ARHGAP15: variants seen among roughly 807,000 people sequenced by gnomAD.
ARHGAP15 encodes the protein Rho GTPase activating protein 15.
ARHGAP15 carries 51 observed loss-of-function variants against 63.7 expected under a neutral mutation model. The ratio of observed to expected loss-of-function variants is 0.80; its 90% CI spans 0.64 to 1.01. The LOEUF (loss-of-function observed/expected upper bound fraction) is 1.01, where lower values mean the gene tolerates loss of function less well. Ranked by LOEUF, ARHGAP15 falls within the 50% of genes least tolerant of loss-of-function variation. ARHGAP15 has a pLI of 0.00. For synonymous variants in ARHGAP15, 191 were observed against 193.8 expected (o/e 0.99, Z 0.12); for missense variants, 560 against 564.6 (o/e 0.99, Z 0.08).
intron 6 of ARHGAP15, among the ~76,000 whole-genome samples, chr2:143,352,153 T>C (rs1685601339): frequency 6.6e-6 from 1 of 152,200 alleles, no homozygotes. Context: ...CTGCCCCCCA[T>C]TGCTTTTGGC....
At chr2:143,218,186 ATTTG>A (rs1436053613) in intron 4 of ARHGAP15, among the ~76,000 whole-genome samples, 9 of 150,874 alleles carry the variant, frequency 6.0e-5, no homozygotes, top group African/African-American at 1.5e-4. Flanking sequence ...TAATATAAAC[ATTTG>A]TTTGTACTCT....
At chr2:143,765,147 G>GTGTGTGTGTGTGTGT (rs1559166655) in intron 13 of ARHGAP15, among the ~76,000 whole-genome samples, 1 of 146,794 alleles carries the variant, frequency 6.8e-6, no homozygotes, top group African/African-American at 2.5e-5. Flanking sequence ...GTGTGTGTGT[G>GTGTGTGTGTGTGTGT]GTAAAATTAA....
At chr2:143,599,362 A>G (rs1697667655) in intron 11 of ARHGAP15, among the ~76,000 whole-genome samples, 1 of 152,158 alleles carries the variant, frequency 6.6e-6, no homozygotes, top group African/African-American at 2.4e-5. Flanking sequence ...TTTTCCTACC[A>G]GCAAAGAATA....
intron 12 of ARHGAP15, among the ~76,000 whole-genome samples, chr2:143,662,175 C>A (rs1035283559): frequency 3.3e-4 from 50 of 152,218 alleles, no homozygotes; most frequent in African/African-American, 1.2e-3. Flanking sequence ...TGTCTGACAG[C>A]TTTGAAGAGA....
At chr2:143,562,237 T>C (rs1696059765) in intron 11 of ARHGAP15, among the ~76,000 whole-genome samples, 1 of 152,186 alleles carries the variant, frequency 6.6e-6, no homozygotes, top group Non-Finnish European at 1.5e-5. Flanking sequence ...CTTTTCATAT[T>C]ATTTGCAGCA....
chr2:143,537,154 T>C (rs909171112), intron 10 of ARHGAP15, among the ~76,000 whole-genome samples: 2 of 152,216 alleles, frequency 1.3e-5, no homozygotes, highest in Admixed American at 6.5e-5. Context: ...TTTCATGTGT[T>C]TTTTGGCTGC....
At chr2:143,264,739 A>C (rs899422872) in intron 6 of ARHGAP15, among the ~76,000 whole-genome samples, 3 of 152,216 alleles carry the variant, frequency 2.0e-5, no homozygotes, top group African/African-American at 7.2e-5. Flanking sequence ...TGATACAAGT[A>C]ATATGTCTAC....
At chr2:143,604,643 G>A (rs1474672611) in intron 11 of ARHGAP15, among the ~76,000 whole-genome samples, 1 of 152,076 alleles carries the variant, frequency 6.6e-6, no homozygotes, top group East Asian at 1.9e-4. Flanking sequence ...TAGTCCTGAG[G>A]ACCATGACTA....
At chr2:143,492,200 C>T (rs916786171) in intron 9 of ARHGAP15, among the ~76,000 whole-genome samples, 4 of 152,002 alleles carry the variant, frequency 2.6e-5, no homozygotes, top group African/African-American at 4.8e-5. Context: ...TTCTTCTCCT[C>T]GCCAGATACT....
intron 5 of ARHGAP15, among the ~76,000 whole-genome samples, chr2:143,229,702 C>T (rs1693365005): frequency 1.3e-5 from 2 of 152,272 alleles, no homozygotes; most frequent in African/African-American, 4.8e-5. Flanking sequence ...GGTAATAAAA[C>T]GATGGGAAGT....
chr2:143,410,528 T>C (rs552276340), intron 6 of ARHGAP15, among the ~76,000 whole-genome samples: 40 of 152,318 alleles, frequency 2.6e-4, no homozygotes, highest in Non-Finnish European at 4.4e-4. Context: ...AAATACTTAG[T>C]TGAGCGCCTA....
intron 6 of ARHGAP15, among the ~76,000 whole-genome samples, chr2:143,361,418 A>G (rs76752437): frequency 0.02 from 2,997 of 152,246 alleles, 58 homozygotes; most frequent in South Asian, 0.099. Context: ...AGGGAAGAGC[A>G]CTCTTATGGA....
chr2:143,216,335 C>T (rs370963387), intron 3 of ARHGAP15, 49 bp from the exon 4 acceptor site: 9 of 1,371,382 alleles, frequency 6.6e-6, no homozygotes, highest in African/African-American at 2.9e-5. Context: ...TTCAAATCAA[C>T]AATGCATAGT....
At chr2:143,173,336 T>A (rs1204668808) in intron 2 of ARHGAP15, among the ~76,000 whole-genome samples, 1 of 152,086 alleles carries the variant, frequency 6.6e-6, no homozygotes, top group African/African-American at 2.4e-5. Context: ...TGATAAAAAC[T>A]AAGCAATTTT....
At chr2:143,153,804 T>A (rs987456537) in intron 1 of ARHGAP15, among the ~76,000 whole-genome samples, 10 of 64,588 alleles carry the variant, frequency 1.5e-4, no homozygotes, top group African/African-American at 5.6e-4. Context: ...CTTCTTCTTC[T>A]TCTTCTTCTT....
At chr2:143,215,595 G>A (rs1692725727) in intron 3 of ARHGAP15, among the ~76,000 whole-genome samples, 1 of 152,150 alleles carries the variant, frequency 6.6e-6, no homozygotes, top group Non-Finnish European at 1.5e-5. Context: ...GAAGGCTAAC[G>A]ACTTGGGATG....
At chr2:143,443,373 G>A (rs1273743167) in intron 8 of ARHGAP15, among the ~76,000 whole-genome samples, 1 of 151,660 alleles carries the variant, frequency 6.6e-6, no homozygotes, top group Non-Finnish European at 1.5e-5. Flanking sequence ...GAATATCATG[G>A]GTTATTATAT....
chr2:143,151,872 C>A (rs1689836906), intron 1 of ARHGAP15, among the ~76,000 whole-genome samples: 1 of 151,856 alleles, frequency 6.6e-6, no homozygotes, highest in African/African-American at 2.4e-5. Context: ...CAGAGGAAAT[C>A]GTCTCTGAAC....
intron 8 of ARHGAP15, among the ~76,000 whole-genome samples, chr2:143,484,433 G>A (rs1692227650): frequency 1.3e-5 from 2 of 152,062 alleles, no homozygotes; most frequent in Non-Finnish European, 2.9e-5. Context: ...TCGGGAGGCT[G>A]AGGCACGAGA....
Sources: allele counts gnomAD v4.1 joint callset (sites outside exome capture counted in the v4.1 genomes callset), GRCh38; gene constraint gnomAD v4.1.1; transcripts MANE v1.5; gene names NCBI Gene and HGNC (gene_info 2026-07-23, HGNC 2026-07-21).